The following ANGPTL4 variants were observed in gnomAD, a reference collection of about 807,000 sequenced individuals.
ANGPTL4 encodes angiopoietin-related protein 4.
A neutral mutation model predicts 39.2 loss-of-function variants in ANGPTL4; 39 were observed. That is an observed-to-expected ratio of 1.00 (90% CI 0.77 to 1.30). The LOEUF (loss-of-function observed/expected upper bound fraction) is 1.30, where lower values mean the gene tolerates loss of function less well. Ranked by LOEUF, ANGPTL4 falls within the 50% of genes most tolerant of loss-of-function variation. The pLI, the probability that ANGPTL4 is intolerant of heterozygous loss-of-function variation, is 0.00. For synonymous variants in ANGPTL4, 233 were observed against 229.5 expected (o/e 1.02, Z -0.14); for missense variants, 545 against 549.8 (o/e 0.99, Z 0.09).
chr19:8,364,548 G>A lies in ANGPTL4; in HGVS notation c.227G>A (p.Cys76Tyr). ...GCGCTGGAGCGGCGCCTGAGCGCGT[G>A]CGGGTCCGCCTGTCAGGGAACCGAG... The part of the protein sequence containing the change: ...LSALERRLSA[C>Y]GSACQGTEGS... Residue 76 changes from cysteine (C) to tyrosine (Y), a missense_variant, in exon 1 of 7, where the codon TGC becomes TAC. Physicochemically the swap from Cys to Tyr is radical, Grantham distance 194. Coordinates refer to ENST00000301455, the MANE Select transcript of ANGPTL4 (RefSeq NM_139314.3). 6.3e-7 allele frequency: 1 copy of A among 1,576,046 alleles called. No homozygotes were observed. The highest frequency in any genetic ancestry group is 8.6e-7 in the Non-Finnish European group (1 of 1,162,232).
Position 8,371,254 on chromosome 19 carries a change from G to A in ANGPTL4, c.771G>A (p.Leu257=). The A allele has an allele frequency of 6.2e-7, 1 of 1,614,080 alleles. No individual in the cohort carries two copies. The highest frequency in any genetic ancestry group is 8.5e-7 in the Non-Finnish European group (1 of 1,180,028). Residue 257 remains leucine, a synonymous_variant, in exon 6 of 7, where the codon CTG becomes CTA. Transcript: ENST00000301455. The surrounding 1 kb of genome is among the most constrained non-coding windows in gnomAD (Gnocchi z 5.1). ...GFGDPHGEFW[L]GLEKVHSITG... is the part of the protein sequence containing the mutation. ...CTCCCACTCCAGGCGAGTTCTGGCTGGGTCTGGAGAAGGTGCATAGCATCA... is the reference window on the plus strand; with the variant it reads ...CTCCCACTCCAGGCGAGTTCTGGCTAGGTCTGGAGAAGGTGCATAGCATCA...
rs373044593 is a variant in ANGPTL4 at position 8,373,385 on chromosome 19, T to C, written c.1040-320T>C. 8.1e-5 allele frequency among the ~76,000 whole-genome samples: 12 copies of C among 147,668 alleles called. 1 individual carries two copies. Among genetic ancestry groups the C allele is most frequent in the South Asian group, 2.1e-4 (1 of 4,654 alleles). On this transcript the variant is annotated intron_variant, in intron 6 of 6. Coordinates refer to ENST00000301455, the MANE Select transcript of ANGPTL4 (RefSeq NM_139314.3). The stretch of plus-strand genomic sequence containing the variant: ...TGCCACTGCACTCCAGCCTGGGAGA[T>C]AGAGTGAGACTCAGTCTCAAAAAAA...
intron 1 of ANGPTL4, among the ~76,000 whole-genome samples, chr19:8,365,264 G>A (rs1970978604): frequency 1.3e-5 from 2 of 151,940 alleles, no homozygotes; most frequent in Admixed American, 1.3e-4. Flanking sequence ...GATCACCTGA[G>A]GTCAGGAGTT....
Position 8,371,083 on chromosome 19 carries a change from G to A in ANGPTL4, c.689G>A (p.Arg230His), listed in dbSNP as rs371435952. ...GGAGGCTGGACAGTAATTCAGAGGC[G>A]CCACGATGGCTCAGTGGACTTCAAC... ...SDGGWTVIQR[R>H]HDGSVDFNRP... Residue 230 changes from arginine to histidine, a missense_variant, in exon 5 of 7, where the codon CGC (arginine) becomes CAC (histidine). By Grantham distance (29) the Arg-to-His change is conservative. Coordinates refer to ENST00000301455, the MANE Select transcript of ANGPTL4 (RefSeq NM_139314.3). The surrounding 1 kb of genome is among the most constrained non-coding windows in gnomAD (Gnocchi z 5.1). 58 of 1,605,694 alleles carry A rather than the reference G, an allele frequency of 3.6e-5. No individual in the cohort carries two copies. The highest frequency in any genetic ancestry group is 1.7e-4 in the Middle Eastern group (1 of 6,048).
intron 4 of ANGPTL4, 145 bp from the exon 5 acceptor site, chr19:8,370,911 C>A: frequency 4.5e-6 from 4 of 888,664 alleles, no homozygotes; most frequent in Non-Finnish European, 7.3e-6. Context: ...TCCCTCTGAC[C>A]CACCCTCCTC....
chr19:8,372,800 AAAAG>A (rs1041515595), intron 6 of ANGPTL4, among the ~76,000 whole-genome samples: 8 of 152,052 alleles, frequency 5.3e-5, no homozygotes, highest in Non-Finnish European at 8.8e-5. Context: ...CCTCAAAAGA[AAAAG>A]AAAAAATGCA....
intron 1 of ANGPTL4, 138 bp from the exon 2 acceptor site, chr19:8,365,816 A>G (rs898495031): frequency 1.1e-5 from 8 of 735,270 alleles, no homozygotes; most frequent in Non-Finnish European, 1.9e-5. Context: ...AGACCCCGTC[A>G]TTGGGAAAAA....
intron 1 of ANGPTL4, 45 bp from the exon 2 acceptor site, chr19:8,365,909 G>T (rs771829106): frequency 1.4e-6 from 2 of 1,447,584 alleles, no homozygotes; most frequent in Non-Finnish European, 1.9e-6. Context: ...TAAGAGGTTG[G>T]GGTAGGCAAG....
At position 8,364,516 on chromosome 19, in the gene ANGPTL4, GCTGAGCGCGCTGGAGCGGCGC is replaced by G. The variant is rs1448840409; in HGVS notation, c.205_225del (p.Leu69_Ala75del). 1.3e-6 allele frequency: 2 copies of G among 1,565,652 alleles called. No homozygotes were observed. The highest frequency in any genetic ancestry group is 2.4e-5 in the East Asian group (1 of 42,314). Reference sequence around the variant, plus strand: ...AACACGCGGAGCGCACCCGCAGTCAGCTGAGCGCGCTGGAGCGGCGCCTGAGCGCGTGCGGGTCCGCCTGTC... The same window carrying G: ...AACACGCGGAGCGCACCCGCAGTCAGCTGAGCGCGTGCGGGTCCGCCTGTC... On this transcript the variant is annotated inframe_deletion, in exon 1 of 7. Transcript: ENST00000301455.
intron 1 of ANGPTL4, among the ~76,000 whole-genome samples, 157 bp downstream of exon 1, chr19:8,364,796 G>A (rs12609364): frequency 0.25 from 37,547 of 151,674 alleles, 5,108 homozygotes; most frequent in Middle Eastern, 0.32. Flanking sequence ...AGCCGAGGAG[G>A]GAGGTTCGCT....
In ANGPTL4 at chr19:8,370,995, TGAG is replaced by T. The variant is rs999938184; in HGVS notation, c.662-59_662-57del. 1.9e-5 allele frequency: 29 copies of T among 1,535,840 alleles called. No homozygotes were observed. In the African/African-American group the frequency reaches 3.0e-4, roughly 16 times the overall value. On this transcript the variant is annotated intron_variant, in intron 4 of 6. Transcript: ENST00000301455. The stretch of plus-strand genomic sequence containing the variant: ...GGGGGTTTGGTGCTTGGCAGCCAGA[TGAG>T]GGAGTGGGGTCGTCTGTGAAGAGGG...
Position 8,369,300 on chromosome 19 carries a change from C to T in ANGPTL4, c.629C>T (p.Pro210Leu), listed in dbSNP as rs1006366989. ...TTTGAAATCCAGCCTCAGGGGTCTC[C>T]GCCATTTTTGGTGAACTGCAAGATG... ...GLFEIQPQGS[P>L]PFLVNCKMTS... Residue 210 changes from proline (P) to leucine (L), a missense_variant, in exon 4 of 7, where the codon CCG becomes CTG. Physicochemically the swap from Pro to Leu is moderately conservative, Grantham distance 98 (BLOSUM62 -3). Transcript: ENST00000301455. 9.9e-6 allele frequency: 16 copies of T among 1,612,094 alleles called. No homozygotes were observed. Among genetic ancestry groups the T allele is most frequent in the South Asian group, 4.4e-5 (4 of 90,342 alleles).
In ANGPTL4 at chr19:8,364,327, C is replaced by T. The variant is rs537310571; in HGVS notation, c.6C>T (p.Ser2=). Reference sequence around the variant, plus strand: ...CTCCCAGGCTACCTAAGAGGATGAGCGGTGCTCCGACGGCCGGGGCAGCCC... The same window carrying T: ...CTCCCAGGCTACCTAAGAGGATGAGTGGTGCTCCGACGGCCGGGGCAGCCC... The part of the protein sequence containing the change: M[S]GAPTAGAALM... The change falls in exon 1 of 7, where the codon AGC becomes AGT. Residue 2 remains serine, a synonymous_variant. Coordinates refer to ENST00000301455, the MANE Select transcript of ANGPTL4 (RefSeq NM_139314.3). The T allele has an allele frequency of 1.8e-5, 28 of 1,543,938 alleles. No homozygotes were observed. Among genetic ancestry groups the T allele is most frequent in the Middle Eastern group, 2.2e-4 (1 of 4,566 alleles).
Position 8,369,259 on chromosome 19 carries a change from G to T in ANGPTL4, c.588G>T (p.Glu196Asp), listed in dbSNP as rs1350786348. 1 of 1,612,196 alleles carries T rather than the reference G, an allele frequency of 6.2e-7. No individual in the cohort carries two copies. The highest frequency in any genetic ancestry group is 8.5e-7 in the Non-Finnish European group (1 of 1,179,838). The change falls in exon 4 of 7, where the codon GAG (glutamate) becomes GAT (aspartate). Residue 196 changes from glutamate to aspartate, a missense_variant. By Grantham distance (45) the Glu-to-Asp change is conservative. Coordinates refer to ENST00000301455, the MANE Select transcript of ANGPTL4 (RefSeq NM_139314.3). ...GCCAGGAGCTGTTCCAGGTTGGGGA[G>T]AGGCAGAGTGGACTATTTGAAATCC... Reference protein sequence around the residue: ...RDCQELFQVGERQSGLFEIQP... With the variant: ...RDCQELFQVGDRQSGLFEIQP...
intron 1 of ANGPTL4, 132 bp from the exon 2 acceptor site, chr19:8,365,821 GA>G (rs920520867): frequency 2.0e-5 from 15 of 751,234 alleles, no homozygotes; most frequent in South Asian, 3.0e-5. Context: ...CCGTCATTGG[GA>G]AAAAAAAGAA....
chr19:8,371,090 T>C lies in ANGPTL4; in HGVS notation c.696T>C (p.Asp232=), dbSNP rs1428522002. The C allele has an allele frequency of 6.8e-6, 11 of 1,608,774 alleles. No homozygotes were observed. The highest frequency in any genetic ancestry group is 9.3e-6 in the Non-Finnish European group (11 of 1,177,560). The stretch of plus-strand genomic sequence containing the variant: ...GGACAGTAATTCAGAGGCGCCACGA[T>C]GGCTCAGTGGACTTCAACCGGCCCT... ...GGWTVIQRRH[D]GSVDFNRPWE... is the part of the protein sequence containing the mutation. The change falls in exon 5 of 7, where the codon GAT becomes GAC. Residue 232 remains aspartate, a synonymous_variant. Coordinates refer to ENST00000301455, the MANE Select transcript of ANGPTL4 (RefSeq NM_139314.3). The surrounding 1 kb of genome is among the most constrained non-coding windows in gnomAD (Gnocchi z 5.1).
chr19:8,371,602 C>T lies in ANGPTL4; in HGVS notation c.1039+80C>T. 1.3e-6 allele frequency: 2 copies of T among 1,579,420 alleles called. No individual in the cohort carries two copies. The highest frequency in any genetic ancestry group is 1.7e-6 in the Non-Finnish European group (2 of 1,163,360). On this transcript the variant is annotated intron_variant, in intron 6 of 6. Coordinates refer to ENST00000301455, the MANE Select transcript of ANGPTL4 (RefSeq NM_139314.3). The surrounding 1 kb of genome is among the most constrained non-coding windows in gnomAD (Gnocchi z 5.1). ...TGCTGCTCTGTCCTGCCTTCAACCCCACATTGCATCTGTTTCCTGCCCCCA... is the reference window on the plus strand; with the variant it reads ...TGCTGCTCTGTCCTGCCTTCAACCCTACATTGCATCTGTTTCCTGCCCCCA...
At chr19:8,369,820 G>A (rs1689773411) in intron 4 of ANGPTL4, among the ~76,000 whole-genome samples, 1 of 152,028 alleles carries the variant, frequency 6.6e-6, no homozygotes. Context: ...GACACTTTGG[G>A]AGGCCTATCA....
rs1970953649 is a variant in ANGPTL4, at chr19:8,364,411, C to G, written c.90C>G (p.Ser30=). Residue 30 remains serine (S), a synonymous_variant, in exon 1 of 7, where the codon TCC becomes TCG. Transcript: ENST00000301455. ...LLSAQGGPVQ[S]KSPRFASWDE... Reference sequence around the variant, plus strand: ...GCGCTCAGGGCGGACCCGTGCAGTCCAAGTCGCCGCGCTTTGCGTCCTGGG... The same window carrying G: ...GCGCTCAGGGCGGACCCGTGCAGTCGAAGTCGCCGCGCTTTGCGTCCTGGG... The G allele has an allele frequency of 6.5e-7, 1 of 1,547,774 alleles. No individual in the cohort carries two copies. The highest frequency in any genetic ancestry group is 8.7e-7 in the Non-Finnish European group (1 of 1,149,500).
Sources: gnomAD v4.1 joint callset for allele counts (sites outside exome capture counted in the v4.1 genomes callset) on GRCh38, gnomAD v4.1.1 for gene constraint, Gnocchi (gnomAD v3.1) non-coding constraint, MANE v1.5 for transcripts, NCBI Gene and HGNC (gene_info 2026-07-23, HGNC 2026-07-21) for gene names.